The following SPATS2L variants were observed in gnomAD, a reference collection of about 807,000 sequenced individuals.
The protein encoded by SPATS2L is spermatogenesis associated serine rich 2 like.
Under a neutral mutation model 59.6 loss-of-function variants are expected in SPATS2L, and 30 were observed. The observed-to-expected ratio is 0.50, with a 90% CI of 0.38 to 0.68. The LOEUF (loss-of-function observed/expected upper bound fraction) is 0.68. Among genes scored for constraint, SPATS2L ranks in the 30% least tolerant of loss-of-function variants. SPATS2L has a pLI of 0.00. For synonymous variants in SPATS2L, 252 were observed against 263.5 expected, an observed-to-expected ratio of 0.96 and a Z score of 0.42; for missense variants, 615 against 700.0, an observed-to-expected ratio of 0.88 and a Z score of 1.37.
At chr2:200,365,353 C>CCTGTTTACAGCCAAAGATCATGGGGCTT (rs2081235218) in intron 2 of SPATS2L, among the ~76,000 whole-genome samples, 1 of 151,994 alleles carries the variant, frequency 6.6e-6, no homozygotes, top group Non-Finnish European at 1.5e-5. Context: ...TCATGGGGCT[C>CCTGTTTACAGCCAAAGATCATGGGGCTT]AAGGAGGATG....
At chr2:200,335,690 A>C (rs1022670596) in intron 2 of SPATS2L, among the ~76,000 whole-genome samples, 2 of 152,234 alleles carry the variant, frequency 1.3e-5, no homozygotes, top group Non-Finnish European at 2.9e-5. Context: ...CGACTGTGTC[A>C]CTGCATGGCA....
intron 9 of SPATS2L, among the ~76,000 whole-genome samples, chr2:200,465,474 TC>T (rs1315475697): frequency 6.6e-6 from 1 of 152,226 alleles, no homozygotes; most frequent in Non-Finnish European, 1.5e-5. Flanking sequence ...TCCTGAGACA[TC>T]CTTCAGCAAT....
At chr2:200,346,299 T>C (rs996511161) in intron 2 of SPATS2L, among the ~76,000 whole-genome samples, 4 of 152,232 alleles carry the variant, frequency 2.6e-5, no homozygotes, top group Admixed American at 6.5e-5. Flanking sequence ...GGCTCTGCTG[T>C]GAACTTCTTG....
chr2:200,381,469 C>T (rs746706458), intron 2 of SPATS2L, among the ~76,000 whole-genome samples: 30 of 152,178 alleles, frequency 2.0e-4, no homozygotes, highest in Non-Finnish European at 1.5e-4. Context: ...ATGTGAAGTT[C>T]TTCCAACTCT....
intron 8 of SPATS2L, among the ~76,000 whole-genome samples, chr2:200,458,702 G>A (rs184580423): frequency 2.9e-4 from 44 of 151,500 alleles, no homozygotes; most frequent in Non-Finnish European, 3.7e-4. Context: ...AATGAACAGG[G>A]CTTGTTTAGA....
Position 200,376,802 on chromosome 2 carries a change from A to T in SPATS2L, c.-22-12421A>T, listed in dbSNP as rs187405140. Among the ~76,000 whole-genome samples the T allele has an allele frequency of 1.9e-3, 284 of 152,358 alleles. 3 individuals carry two copies. Among genetic ancestry groups the T allele is most frequent in the African/African-American group, 6.4e-3 (266 of 41,594 alleles). ...GTTCGTATTTCCTTAGCAGGGCTGC[A>T]GTCAGGCCCCTAGCTTCGGGCCGCC... On this transcript the variant is annotated intron_variant, in intron 2 of 12. Coordinates refer to ENST00000409140, the MANE Select transcript of SPATS2L (RefSeq NM_001100423.2).
chr2:200,416,687 A>G (rs1371845784), intron 5 of SPATS2L, among the ~76,000 whole-genome samples: 1 of 152,202 alleles, frequency 6.6e-6, no homozygotes, highest in African/African-American at 2.4e-5. Context: ...TTTTTTAAGT[A>G]TAAAGGGGAG....
intron 10 of SPATS2L, among the ~76,000 whole-genome samples, chr2:200,468,347 T>TACACACACACACACACACACACACAC (rs141831238): frequency 0.07 from 7,673 of 109,898 alleles, 827 homozygotes; most frequent in East Asian, 0.097. Context: ...CCCAGTATAC[T>TACACACACACACACACACACACACAC]ACACACACAC....
At chr2:200,332,142 ATG>A (rs1227651054) in intron 2 of SPATS2L, among the ~76,000 whole-genome samples, 6 of 100,796 alleles carry the variant, frequency 6.0e-5, no homozygotes, top group South Asian at 4.5e-4. Flanking sequence ...AATATGTAAA[ATG>A]TGTGTGTGTG....
chr2:200,455,106 A>G (rs1191867084), intron 8 of SPATS2L, among the ~76,000 whole-genome samples: 3 of 152,268 alleles, frequency 2.0e-5, no homozygotes, highest in Non-Finnish European at 4.4e-5. Context: ...AAAGTTTTGC[A>G]TAAATGTGAT....
chr2:200,358,199 T>A (rs568818458), intron 2 of SPATS2L, among the ~76,000 whole-genome samples: 1 of 152,242 alleles, frequency 6.6e-6, no homozygotes, highest in Non-Finnish European at 1.5e-5. Context: ...TAATTTTTGG[T>A]CATTTCTTAC....
At chr2:200,347,267 A>G (rs1363895197) in intron 2 of SPATS2L, among the ~76,000 whole-genome samples, 1 of 152,132 alleles carries the variant, frequency 6.6e-6, no homozygotes, top group Non-Finnish European at 1.5e-5. Flanking sequence ...TCCCCAGCCA[A>G]AAGACTGCAT....
chr2:200,322,186 G>T (rs1434809749), intron 1 of SPATS2L, among the ~76,000 whole-genome samples: 1 of 152,186 alleles, frequency 6.6e-6, no homozygotes, highest in Non-Finnish European at 1.5e-5. Context: ...TAAAGGAAAT[G>T]AAGCATTGAT....
chr2:200,459,679 A>C (rs2086100645), intron 8 of SPATS2L, 90 bp from the exon 9 acceptor site: 2 of 989,848 alleles, frequency 2.0e-6, no homozygotes, highest in Non-Finnish European at 3.1e-6. Context: ...TATTTTGTTT[A>C]ATGAAAATAA....
intron 6 of SPATS2L, 55 bp downstream of exon 6, chr2:200,419,551 AG>A: frequency 1.9e-6 from 3 of 1,592,432 alleles, no homozygotes; most frequent in Non-Finnish European, 2.6e-6. Flanking sequence ...AAGAGCACAA[AG>A]GGAGCTCATT....
chr2:200,422,882 G>GCT (rs553678062), intron 6 of SPATS2L, among the ~76,000 whole-genome samples: 7 of 151,784 alleles, frequency 4.6e-5, no homozygotes, highest in African/African-American at 9.7e-5. Flanking sequence ...CCTCTTTCTT[G>GCT]CTCTCTCTCT....
intron 3 of SPATS2L, among the ~76,000 whole-genome samples, chr2:200,402,165 A>G (rs548425392): frequency 6.6e-6 from 1 of 152,358 alleles, no homozygotes; most frequent in Admixed American, 6.5e-5. Context: ...GAATCCTAAC[A>G]GGAATCCATT....
At chr2:200,441,555 C>T (rs181402480) in intron 8 of SPATS2L, among the ~76,000 whole-genome samples, 147 of 152,252 alleles carry the variant, frequency 9.7e-4, no homozygotes, top group African/African-American at 3.4e-3. Context: ...ATTATGTTAT[C>T]AGGACTCAGT....
chr2:200,463,545 G>A (rs893555005), intron 9 of SPATS2L, among the ~76,000 whole-genome samples: 2 of 152,058 alleles, frequency 1.3e-5, no homozygotes, highest in African/African-American at 4.8e-5. Flanking sequence ...TATACTATAC[G>A]AAACACCTCA....
Sources: allele counts gnomAD v4.1 joint callset (sites outside exome capture counted in the v4.1 genomes callset), GRCh38; gene constraint gnomAD v4.1.1; transcripts MANE v1.5; gene names NCBI Gene and HGNC (gene_info 2026-07-23, HGNC 2026-07-21).